SZT2: variants seen among roughly 807,000 people sequenced by gnomAD.
The protein encoded by SZT2 is SZT2 subunit of KICSTOR complex, also known as KICSTOR complex protein SZT2.
SZT2 carries 216 observed loss-of-function variants against 404.2 expected under a neutral mutation model. That is an observed-to-expected ratio of 0.53 (90% CI 0.48 to 0.60). The LOEUF (loss-of-function observed/expected upper bound fraction) is 0.60. Ranked by LOEUF, SZT2 falls within the 20% of genes least tolerant of loss-of-function variation. SZT2 has a pLI of 0.00. For synonymous variants in SZT2, 1,693 were observed against 1,749.9 expected, an observed-to-expected ratio of 0.97 and a Z score of 0.81; for missense variants, 3,857 against 4,459.2, an observed-to-expected ratio of 0.86 and a Z score of 3.85.
rs1359519764 is a variant in SZT2 at position 43,447,037 on chromosome 1, G to A, written c.9155G>A (p.Arg3052His). 5.6e-6 allele frequency: 9 copies of A among 1,613,820 alleles called. No homozygotes were observed. Among genetic ancestry groups the A allele is most frequent in the South Asian group, 2.2e-5 (2 of 91,074 alleles). Residue 3052 changes from arginine to histidine, a missense_variant, in exon 66 of 72, where the codon CGC becomes CAC. Around this residue, in one of 7 missense-constraint regions of SZT2, gnomAD observed 717 missense variants for 868.2 expected, o/e 0.83. Transcript: ENST00000634258. ...VHSFSYDFHL[R>H]LVHQHVLGAH... ...TCGTTCAGCTATGACTTCCATCTGC[G>A]CCTCGTGCATCAGCACGTGCTAGGT...
At position 43,452,815 on chromosome 1, in the gene SZT2, G is replaced by T; in HGVS notation, c.*2335G>T. 1 of 1,398,440 alleles carries T rather than the reference G, an allele frequency of 7.2e-7. No individual in the cohort carries two copies. Among genetic ancestry groups the T allele is most frequent in the Non-Finnish European group, 9.9e-7 (1 of 1,011,954 alleles). 86.6% of individuals were successfully genotyped at this position (1,398,440 alleles called of 1,614,324 possible). A position where few individuals can be genotyped will look rare whatever the true frequency, so the allele number is the denominator to read the frequency against. On this transcript the variant is annotated 3_prime_UTR_variant, in exon 72 of 72. Transcript: ENST00000634258. ...ATTTGAATCAGCCCCACTTTGAGCC[G>T]TCCACCTCCTCCCATCATCCCCTGA...
rs1653222189 is a variant in SZT2, at chr1:43,426,928, G to A, written c.3309+119G>A. ...AAATGGCATCTGCCAATGACACAAT[G>A]CCGTCATTTTCCATTGTCCTGGATC... On this transcript the variant is annotated intron_variant, in intron 23 of 71. Transcript: ENST00000634258. This position sits in a 1 kb window ranked among gnomAD's most constrained non-coding sequence, Gnocchi z 4.9. 2 of 1,553,006 alleles carry A rather than the reference G, an allele frequency of 1.3e-6. No homozygotes were observed. Among genetic ancestry groups the A allele is most frequent in the South Asian group, 2.4e-5 (2 of 85,010 alleles).
Position 43,450,452 on chromosome 1 carries a change from GT to G in SZT2, c.10274del (p.Phe3425SerfsTer47). On this transcript the variant is annotated frameshift_variant, in exon 72 of 72. Coordinates refer to ENST00000634258, the MANE Select transcript of SZT2 (RefSeq NM_001365999.1). LOFTEE classifies it high-confidence loss of function. The surrounding 1 kb of genome is among the most constrained non-coding windows in gnomAD (Gnocchi z 4.3). ...CTGGAGTCTGTCATCAACACAGCCTGTTTCACCCTCTGGACCCGCCTCCTCT... is the reference window on the plus strand; with the variant it reads ...CTGGAGTCTGTCATCAACACAGCCTGTTCACCCTCTGGACCCGCCTCCTCT... ...HHLESVINTA[C>X]FTLWTRLL 1 of 1,614,066 alleles carries G rather than the reference GT, an allele frequency of 6.2e-7. No homozygotes were observed. Among genetic ancestry groups the G allele is most frequent in the Non-Finnish European group, 8.5e-7 (1 of 1,179,986 alleles).
rs1460127297 is a variant in SZT2 at position 43,432,336 on chromosome 1, T to C, written c.5339T>C (p.Phe1780Ser). 6.2e-7 allele frequency: 1 copy of C among 1,605,782 alleles called. No individual in the cohort carries two copies. The highest frequency in any genetic ancestry group is 1.7e-5 in the Admixed American group (1 of 58,030). Residue 1780 changes from phenylalanine to serine, a missense_variant, in exon 37 of 72, where the codon TTT becomes TCT. By Grantham distance (155) the Phe-to-Ser change is radical. Coordinates refer to ENST00000634258, the MANE Select transcript of SZT2 (RefSeq NM_001365999.1). ...LLEDPDSGFF[F>S]VAAGQQPGGS... Reference sequence around the variant, plus strand: ...GAAGACCCTGACAGTGGCTTCTTCTTTGTGGCAGCTGGCCAACAGCCAGGT... The same window carrying C: ...GAAGACCCTGACAGTGGCTTCTTCTCTGTGGCAGCTGGCCAACAGCCAGGT...
chr1:43,404,017 C>T, intron 3 of SZT2: 2 of 550,020 alleles, frequency 3.6e-6, no homozygotes, highest in East Asian at 3.0e-5. Flanking sequence ...CGAGACTAGC[C>T]TGGGCCACAT....
In SZT2 at chr1:43,441,530, G is replaced by T. The variant is rs1341330887; in HGVS notation, c.7538G>T (p.Gly2513Val). The T allele has an allele frequency of 6.2e-7, 1 of 1,614,142 alleles. No individual in the cohort carries two copies. The highest frequency in any genetic ancestry group is 1.7e-5 in the Admixed American group (1 of 60,022). Residue 2513 changes from glycine (G) to valine (V), a missense_variant, in exon 54 of 72, where the codon GGT becomes GTT. Around this residue, in one of 7 missense-constraint regions of SZT2, gnomAD observed 573 missense variants for 592.4 expected, o/e 0.97. Transcript: ENST00000634258. This position sits in a 1 kb window ranked among gnomAD's most constrained non-coding sequence, Gnocchi z 4.8. ...CGCCGGACAACACAGCTAGAAGAGG[G>T]TGAGGTGGGGACCCTTCATCCTGTG... ...QKRRTTQLEE[G>V]EVGTLHPVFA...
Position 43,450,215 on chromosome 1 carries a change from G to A in SZT2, c.10155+44G>A, listed in dbSNP as rs368929596. ...CTTTGTGTCAGCCTCATGGGAGGCC[G>A]TACCCCAAATGCTCCACCTCGGAGC... On this transcript the variant is annotated intron_variant, in intron 71 of 71. Transcript: ENST00000634258. The surrounding 1 kb of genome is among the most constrained non-coding windows in gnomAD (Gnocchi z 4.3). The A allele has an allele frequency of 4.0e-5, 65 of 1,613,640 alleles. No homozygotes were observed. The highest frequency in any genetic ancestry group is 6.7e-5 in the Admixed American group (4 of 60,000).
In SZT2 at chr1:43,453,027, C is replaced by CT. The variant is rs766897297; in HGVS notation, c.*2548dup. 1 of 1,423,344 alleles carries CT rather than the reference C, an allele frequency of 7.0e-7. No homozygotes were observed. The allele number at this position is 1,423,344 out of a possible 1,614,324, so 88.2% of individuals were successfully genotyped here. A position where few individuals can be genotyped will look rare whatever the true frequency, so the allele number is the denominator to read the frequency against. On this transcript the variant is annotated 3_prime_UTR_variant, in exon 72 of 72. Transcript: ENST00000634258. ...CTCCTTGAAGACAGTCCAAGCATCA[C>CT]TACCTGTAAGCAGCTTTCTCTGATC...
chr1:43,439,170 A>C lies in SZT2; in HGVS notation c.6792+77A>C. On this transcript the variant is annotated intron_variant, in intron 48 of 71. Coordinates refer to ENST00000634258, the MANE Select transcript of SZT2 (RefSeq NM_001365999.1). This position sits in a 1 kb window ranked among gnomAD's most constrained non-coding sequence, Gnocchi z 4.2. ...CCCACGCACTTACTCTTTCCTACCG[A>C]TACCCCTATATGTACCTTTGCCCAT... 6.3e-7 allele frequency: 1 copy of C among 1,593,118 alleles called. No individual in the cohort carries two copies. The highest frequency in any genetic ancestry group is 1.1e-5 in the South Asian group (1 of 89,174).
rs764683442 is a variant in SZT2 at position 43,440,471 on chromosome 1, C to T, written c.7229C>T (p.Ser2410Leu). The T allele has an allele frequency of 5.0e-6, 8 of 1,600,670 alleles. No homozygotes were observed. The highest frequency in any genetic ancestry group is 2.3e-5 in the East Asian group (1 of 43,894). The change falls in exon 52 of 72, where the codon TCG becomes TTG. Residue 2410 changes from serine (S) to leucine (L), a missense_variant. Transcript: ENST00000634258. ...TCCACAGGAAGTCTCAGGAACGGAT[C>T]GTTGGAAACTAAGAGCTCTGCAGGC... ...DTPTGSLRNG[S>L]LETKSSAGRA... is the part of the protein sequence containing the mutation.
intron 66 of SZT2, 56 bp from the exon 67 acceptor site, chr1:43,447,489 A>G (rs1006904575): frequency 6.3e-6 from 10 of 1,585,252 alleles, no homozygotes; most frequent in Non-Finnish European, 8.6e-6. Flanking sequence ...GCCCCACCAG[A>G]CCAGTGTGTC....
In SZT2 at chr1:43,443,175, C is replaced by G. The variant is rs368330210; in HGVS notation, c.8420-13C>G. The G allele has an allele frequency of 5.8e-5, 93 of 1,613,960 alleles. No homozygotes were observed. The highest frequency in any genetic ancestry group is 7.4e-5 in the Non-Finnish European group (87 of 1,179,990). On this transcript the variant is annotated splice_polypyrimidine_tract_variant and intron_variant, in intron 59 of 71. Transcript: ENST00000634258. ...CAATGCCTGGGGCTACTACTAATGC[C>G]CTCAACCCTCAGAGCTGGAGCGCCA...
In SZT2 at chr1:43,424,487, C is replaced by T. The variant is rs1652902118; in HGVS notation, c.2471+55C>T. On this transcript the variant is annotated intron_variant, in intron 16 of 71. Transcript: ENST00000634258. The surrounding 1 kb of genome is among the most constrained non-coding windows in gnomAD (Gnocchi z 4.1). The stretch of plus-strand genomic sequence containing the variant: ...GGGGCAAGGAGAGAGCAAGTGTAGA[C>T]TGGGACACTAGCAAAAAGCCTATAG... 18 of 1,546,754 alleles carry T rather than the reference C, an allele frequency of 1.2e-5. No homozygotes were observed. The highest frequency in any genetic ancestry group is 1.6e-5 in the Non-Finnish European group (18 of 1,137,540).
intron 12 of SZT2, 33 bp from the exon 13 acceptor site, chr1:43,422,447 A>G: frequency 6.5e-7 from 1 of 1,533,506 alleles, no homozygotes; most frequent in Non-Finnish European, 8.7e-7. Context: ...TGGGGCCTGG[A>G]GGTCTAACCT....
At chr1:43,428,201 C>T in intron 27 of SZT2, 39 bp from the exon 28 acceptor site, 1 of 1,613,256 alleles carries the variant, frequency 6.2e-7, no homozygotes, top group Non-Finnish European at 8.5e-7. Context: ...AGAGGCCATT[C>T]CAGAGCTCAA....
chr1:43,396,960 A>T (rs1291723316), intron 1 of SZT2, among the ~76,000 whole-genome samples: 1 of 152,238 alleles, frequency 6.6e-6, no homozygotes, highest in Non-Finnish European at 1.5e-5. Context: ...GTCAACAAAA[A>T]CCATGTTGAT....
intron 7 of SZT2, among the ~76,000 whole-genome samples, chr1:43,416,858 A>G (rs1405697495): frequency 6.6e-6 from 1 of 152,210 alleles, no homozygotes; most frequent in Non-Finnish European, 1.5e-5. Context: ...TGTTAAAGCA[A>G]AAAGAATGCA....
At chr1:43,401,697 G>T (rs1649708225) in intron 1 of SZT2, among the ~76,000 whole-genome samples, 1 of 152,102 alleles carries the variant, frequency 6.6e-6, no homozygotes. Context: ...TGTTGGCCAG[G>T]CTGGTCTCGA....
intron 4 of SZT2, among the ~76,000 whole-genome samples, chr1:43,413,485 A>T (rs1651319771): frequency 6.6e-6 from 1 of 152,226 alleles, no homozygotes; most frequent in African/African-American, 2.4e-5. Context: ...CAGTATATGG[A>T]AGAGATATCT....
Sources: gnomAD v4.1 joint callset for allele counts (sites outside exome capture counted in the v4.1 genomes callset) on GRCh38, gnomAD v4.1.1 for gene constraint, gnomAD v4.1.1 regional missense constraint, Gnocchi (gnomAD v3.1) non-coding constraint, MANE v1.5 for transcripts, NCBI Gene and HGNC (gene_info 2026-07-23, HGNC 2026-07-21) for gene names.